UBTD2: variants seen among roughly 807,000 people sequenced by gnomAD.
UBTD2 encodes the protein ubiquitin domain containing 2.
UBTD2 carries 9 observed loss-of-function variants against 19.8 expected under a neutral mutation model. The ratio of observed to expected loss-of-function variants is 0.46; its 90% CI spans 0.27 to 0.79. UBTD2 has a LOEUF of 0.79. UBTD2 is among the 30% of genes least tolerant of loss of function. The pLI is 0.14. For missense variants in UBTD2, 250 were observed against 300.4 expected, an observed-to-expected ratio of 0.83 and a Z score of 1.24; for synonymous variants, 98 against 103.9, an observed-to-expected ratio of 0.94 and a Z score of 0.35.
intron 1 of UBTD2, among the ~76,000 whole-genome samples, chr5:172,277,815 G>T (rs1581236584): frequency 6.9e-6 from 1 of 145,240 alleles, no homozygotes; most frequent in South Asian, 2.2e-4. Flanking sequence ...ATTTGATAAG[G>T]GTTCAATATC....
intron 1 of UBTD2, among the ~76,000 whole-genome samples, chr5:172,268,682 A>G (rs7723733): frequency 0.32 from 49,047 of 151,758 alleles, 7,959 homozygotes; most frequent in South Asian, 0.42. Flanking sequence ...CCAGGAGGCA[A>G]CGGTTGCAGT....
At chr5:172,240,491 G>GA (rs143390787) in intron 1 of UBTD2, among the ~76,000 whole-genome samples, 9 of 152,012 alleles carry the variant, frequency 5.9e-5, no homozygotes, top group South Asian at 4.2e-4. Flanking sequence ...TTATTGGGGG[G>GA]AAAAAAATCA....
chr5:172,278,467 T>A (rs1223955699), intron 1 of UBTD2, among the ~76,000 whole-genome samples: 1 of 149,998 alleles, frequency 6.7e-6, no homozygotes, highest in Non-Finnish European at 1.5e-5. Context: ...TGCAGCGAGC[T>A]GAGATCACAC....
chr5:172,220,358 G>A (rs116371138), intron 2 of UBTD2, among the ~76,000 whole-genome samples: 3,537 of 152,268 alleles, frequency 0.023, 114 homozygotes, highest in African/African-American at 0.08. Context: ...ATAGCTGGCC[G>A]GGCACGGTGG....
rs1380698272 is a variant in UBTD2, at chr5:172,211,568, A to G, written c.*262T>C. ...CATTACATAGTTGTTGAGTGTTCTA[A>G]AATAAATGGTTATCTATTTCTTAAC... On this transcript the variant is annotated 3_prime_UTR_variant, in exon 3 of 3. Coordinates refer to ENST00000393792, the MANE Select transcript of UBTD2 (RefSeq NM_152277.3). The G allele has an allele frequency of 1.4e-5, 5 of 367,410 alleles. No individual in the cohort carries two copies. In the East Asian group the frequency reaches 2.2e-4, roughly 16 times the overall value. The allele number at this position is 367,410 out of a possible 1,614,324, so 22.8% of individuals were successfully genotyped here. A position where few individuals can be genotyped will look rare whatever the true frequency, so the allele number is the denominator to read the frequency against.
chr5:172,236,604 A>G (rs1345470340), intron 1 of UBTD2, among the ~76,000 whole-genome samples: 1 of 152,258 alleles, frequency 6.6e-6, no homozygotes, highest in Non-Finnish European at 1.5e-5. Flanking sequence ...TAGATGAGTT[A>G]GAGACAGTTT....
At chr5:172,264,574 A>C (rs977524686) in intron 1 of UBTD2, among the ~76,000 whole-genome samples, 6 of 150,992 alleles carry the variant, frequency 4.0e-5, no homozygotes, top group East Asian at 1.9e-4. Context: ...AAAAAAAAAA[A>C]AACAAAACAA....
intron 1 of UBTD2, among the ~76,000 whole-genome samples, chr5:172,236,500 A>T (rs950524250): frequency 6.6e-6 from 1 of 151,280 alleles, no homozygotes; most frequent in Non-Finnish European, 1.5e-5. Context: ...ATTCTCTAGA[A>T]GATGTTCAGA....
chr5:172,259,536 A>G (rs1483675248), intron 1 of UBTD2, among the ~76,000 whole-genome samples: 1 of 152,090 alleles, frequency 6.6e-6, no homozygotes, highest in African/African-American at 2.4e-5. Context: ...ATATTAATAC[A>G]ATAAAAAACA....
intron 1 of UBTD2, among the ~76,000 whole-genome samples, chr5:172,278,076 G>T (rs1037278865): frequency 6.6e-6 from 1 of 152,066 alleles, no homozygotes; most frequent in Non-Finnish European, 1.5e-5. Flanking sequence ...ATACACTGCT[G>T]GTAAGAATAA....
At chr5:172,246,750 G>GTTTT in intron 1 of UBTD2, among the ~76,000 whole-genome samples, 1 of 82,932 alleles carries the variant, frequency 1.2e-5, no homozygotes, top group Non-Finnish European at 2.3e-5. Context: ...AGCCGAGATT[G>GTTTT]CTTTTTTTTT....
intron 1 of UBTD2, among the ~76,000 whole-genome samples, chr5:172,241,094 T>C (rs1561856740): frequency 6.6e-6 from 1 of 151,794 alleles, no homozygotes; most frequent in Non-Finnish European, 1.5e-5. Flanking sequence ...TTCTCTCAAT[T>C]CATGAGAAAG....
At chr5:172,256,067 C>A (rs990254683) in intron 1 of UBTD2, among the ~76,000 whole-genome samples, 3 of 151,492 alleles carry the variant, frequency 2.0e-5, no homozygotes, top group Non-Finnish European at 4.4e-5. Flanking sequence ...CCAGCCTGGG[C>A]AATAAAAGCC....
At chr5:172,223,136 A>AG (rs1771685640) in intron 2 of UBTD2, among the ~76,000 whole-genome samples, 1 of 152,238 alleles carries the variant, frequency 6.6e-6, no homozygotes. Context: ...CTAGAATGAC[A>AG]GAAAAAAATA....
At chr5:172,256,104 A>AG (rs926524512) in intron 1 of UBTD2, among the ~76,000 whole-genome samples, 6 of 152,140 alleles carry the variant, frequency 3.9e-5, no homozygotes, top group Admixed American at 3.9e-4. Context: ...GAGAAAAGAG[A>AG]GAAAAAAAAA....
At position 172,230,535 on chromosome 5, in the gene UBTD2, A is replaced by G. The variant is rs542458949; in HGVS notation, c.307+3587T>C. On this transcript the variant is annotated intron_variant, in intron 2 of 2. Transcript: ENST00000393792. The stretch of plus-strand genomic sequence containing the variant: ...ATTTAATCAACATAACCATCCCAAG[A>G]GGTAAGACAGTTATTATCCATATTT... 4.8e-4 allele frequency among the ~76,000 whole-genome samples: 32 copies of G among 66,804 alleles called. 1 individual carries two copies. Among genetic ancestry groups the G allele is most frequent in the Admixed American group, 4.2e-3 (31 of 7,450 alleles). 43.8% of individuals were successfully genotyped at this position (66,804 alleles called of 152,430 possible).
At chr5:172,248,777 T>A (rs902250757) in intron 1 of UBTD2, among the ~76,000 whole-genome samples, 1 of 148,714 alleles carries the variant, frequency 6.7e-6, no homozygotes, top group Non-Finnish European at 1.5e-5. Flanking sequence ...AAAAAAAAAA[T>A]TAATTAAAAA....
intron 2 of UBTD2, among the ~76,000 whole-genome samples, chr5:172,216,694 T>C (rs1364270227): frequency 1.3e-5 from 2 of 150,344 alleles, no homozygotes; most frequent in African/African-American, 4.9e-5. Flanking sequence ...CGGTGGCTCA[T>C]GCCTGTAATC....
chr5:172,264,547 A>AC (rs911831823), intron 1 of UBTD2, among the ~76,000 whole-genome samples: 6 of 104,240 alleles, frequency 5.8e-5, no homozygotes, highest in Non-Finnish European at 1.1e-4. Context: ...TCTCAAAAAA[A>AC]AAAATTAAAA....
Sources: gnomAD v4.1 joint callset for allele counts (sites outside exome capture counted in the v4.1 genomes callset) on GRCh38, gnomAD v4.1.1 for gene constraint, MANE v1.5 for transcripts, NCBI Gene and HGNC (gene_info 2026-07-23, HGNC 2026-07-21) for gene names.